EPHA5: variants seen among roughly 807,000 people sequenced by gnomAD.
EPHA5 encodes ephrin type-A receptor 5.
In EPHA5, 60 loss-of-function variants were observed where a neutral mutation model predicts 105.0. The ratio of observed to expected loss-of-function variants is 0.57; its 90% CI spans 0.46 to 0.71. The LOEUF (loss-of-function observed/expected upper bound fraction) is 0.71. Among genes scored for constraint, EPHA5 ranks in the 30% least tolerant of loss-of-function variants. The pLI is 0.00. For missense variants in EPHA5, 1,218 were observed against 1,274.7 expected (o/e 0.96, Z 0.68); for synonymous variants, 513 against 449.1 (o/e 1.14, Z -1.80).
rs1311481395 is a variant in EPHA5, at chr4:65,608,496, T to TC, written c.247-6193dup. 9.4e-5 allele frequency among the ~76,000 whole-genome samples: 14 copies of TC among 148,352 alleles called. 1 individual carries two copies. In the South Asian group the frequency reaches 1.3e-3, roughly 14 times the overall value. On this transcript the variant is annotated intron_variant, in intron 2 of 16. Coordinates refer to ENST00000613740, the MANE Select transcript of EPHA5 (RefSeq NM_001281766.3). Reference sequence around the variant, plus strand: ...CCCAGCTTGGGCGACAGAGCGAGACTCCATCTCAAAAAAAAAAAGAAAAAA... The same window carrying TC: ...CCCAGCTTGGGCGACAGAGCGAGACTCCCATCTCAAAAAAAAAAAGAAAAAA...
chr4:65,517,246 G>A (rs1734195896), intron 3 of EPHA5, among the ~76,000 whole-genome samples: 1 of 151,654 alleles, frequency 6.6e-6, no homozygotes, highest in Non-Finnish European at 1.5e-5. Context: ...TCCTTGTTCT[G>A]TAATCTATCT....
intron 3 of EPHA5, among the ~76,000 whole-genome samples, chr4:65,583,155 A>G (rs1033803321): frequency 1.3e-5 from 2 of 151,666 alleles, no homozygotes; most frequent in African/African-American, 4.8e-5. Context: ...GACAAAATAT[A>G]TAAAATTCCT....
In EPHA5 at chr4:65,670,376, T is replaced by G. The variant is rs1230349859; in HGVS notation, c.-634A>C. 5 of 233,722 alleles carry G rather than the reference T, an allele frequency of 2.1e-5. No individual in the cohort carries two copies. Among genetic ancestry groups the G allele is most frequent in the Non-Finnish European group, 4.2e-5 (5 of 118,566 alleles). The allele number at this position is 233,722 out of a possible 1,614,324, so 14.5% of individuals were successfully genotyped here. A position where few individuals can be genotyped will look rare whatever the true frequency, so the allele number is the denominator to read the frequency against. On this transcript the variant is annotated 5_prime_UTR_variant, in exon 1 of 17. Coordinates refer to ENST00000613740, the MANE Select transcript of EPHA5 (RefSeq NM_001281766.3). ...CTGCCGGCCGGTAGGAGCGCGGAGC[T>G]GCGCTGCGGCGGCCCAGGAGCTGCT...
intron 5 of EPHA5, among the ~76,000 whole-genome samples, chr4:65,431,570 TG>T (rs1724980643): frequency 6.6e-6 from 1 of 152,158 alleles, no homozygotes; most frequent in South Asian, 2.1e-4. Flanking sequence ...AAAGTGCTAC[TG>T]GCAATTCTCC....
intron 1 of EPHA5, among the ~76,000 whole-genome samples, chr4:65,664,844 G>A (rs1429920600): frequency 1.3e-5 from 2 of 151,736 alleles, no homozygotes; most frequent in East Asian, 1.9e-4. Context: ...CAAATACTAC[G>A]ATCAATTTTT....
chr4:65,652,926 G>A (rs1334679780), intron 1 of EPHA5, among the ~76,000 whole-genome samples: 2 of 151,830 alleles, frequency 1.3e-5, no homozygotes, highest in Non-Finnish European at 2.9e-5. Context: ...TACTCACTTT[G>A]CTTTAAGCAT....
At chr4:65,438,829 A>G (rs1297414182) in intron 5 of EPHA5, among the ~76,000 whole-genome samples, 1 of 152,130 alleles carries the variant, frequency 6.6e-6, no homozygotes, top group Non-Finnish European at 1.5e-5. Flanking sequence ...AGGACATTAA[A>G]GGTTTTAAGT....
Position 65,506,876 on chromosome 4 carries a change from T to A in EPHA5, c.911-11333A>T, listed in dbSNP as rs1462784596. Among the ~76,000 whole-genome samples the A allele has an allele frequency of 3.9e-5, 6 of 152,318 alleles. No homozygotes were observed. In the South Asian group the frequency reaches 8.3e-4, roughly 21 times the overall value. On this transcript the variant is annotated intron_variant, in intron 3 of 16. Coordinates refer to ENST00000613740, the MANE Select transcript of EPHA5 (RefSeq NM_001281766.3). ...CTCTTTAGTTTAATTAGATCCCATT[T>A]GTCAATTTTGGCTTTTGTTGCCATT...
At chr4:65,480,425 A>G (rs1223039564) in intron 5 of EPHA5, among the ~76,000 whole-genome samples, 1 of 152,200 alleles carries the variant, frequency 6.6e-6, no homozygotes, top group Admixed American at 6.5e-5. Context: ...ATATGGCTTC[A>G]GATATACCAA....
In EPHA5 at chr4:65,669,822, C is replaced by G; in HGVS notation, c.-80G>C. The stretch of plus-strand genomic sequence containing the variant: ...GGCCTCGCAGAGCGGCGAAGGGAGA[C>G]TCGGGAGTCCTCCTTGTCCCCCCTT... On this transcript the variant is annotated 5_prime_UTR_variant, in exon 1 of 17. Transcript: ENST00000613740. 8.1e-7 allele frequency: 1 copy of G among 1,233,350 alleles called. No homozygotes were observed. Among genetic ancestry groups the G allele is most frequent in the Non-Finnish European group, 1.0e-6 (1 of 988,914 alleles). 76.4% of individuals were successfully genotyped at this position (1,233,350 alleles called of 1,614,324 possible).
At chr4:65,635,110 A>C (rs949004202) in intron 2 of EPHA5, among the ~76,000 whole-genome samples, 3 of 151,868 alleles carry the variant, frequency 2.0e-5, no homozygotes, top group African/African-American at 7.3e-5. Flanking sequence ...TTGAGTAAAA[A>C]CCTGAGTTAT....
chr4:65,413,519 C>T (rs903919608), intron 7 of EPHA5, among the ~76,000 whole-genome samples: 8 of 151,908 alleles, frequency 5.3e-5, no homozygotes, highest in African/African-American at 1.7e-4. Context: ...AGGAAGCATG[C>T]ATTTTATTTT....
intron 16 of EPHA5, among the ~76,000 whole-genome samples, chr4:65,330,279 G>C (rs537404271): frequency 6.6e-6 from 1 of 151,414 alleles, no homozygotes; most frequent in Non-Finnish European, 1.5e-5. Context: ...GAGGTTATTA[G>C]GGCTTGAAAG....
chr4:65,617,199 T>C (rs150174825), intron 2 of EPHA5, among the ~76,000 whole-genome samples: 4 of 152,174 alleles, frequency 2.6e-5, no homozygotes, highest in Admixed American at 2.6e-4. Flanking sequence ...TATCATATTA[T>C]CTTAAATCCT....
At position 65,431,176 on chromosome 4, in the gene EPHA5, T is replaced by A. The variant is rs367961955; in HGVS notation, c.1403-10611A>T. Among the ~76,000 whole-genome samples, 3 of 152,172 alleles carry A rather than the reference T, an allele frequency of 2.0e-5. No homozygotes were observed. The East Asian group carries it at 5.8e-4, about 29-fold the overall frequency. On this transcript the variant is annotated intron_variant, in intron 5 of 16. Transcript: ENST00000613740. The stretch of plus-strand genomic sequence containing the variant: ...ACACACAAAATGACTGCTCTCCGCA[T>A]GCTGCACCATAGATAAGATGAACTG...
intron 10 of EPHA5, among the ~76,000 whole-genome samples, chr4:65,365,685 A>ATG (rs1717828406): frequency 8.9e-6 from 1 of 112,452 alleles, no homozygotes; most frequent in Non-Finnish European, 2.0e-5. Flanking sequence ...ATATATATAT[A>ATG]TATAGTGAAA....
intron 3 of EPHA5, among the ~76,000 whole-genome samples, chr4:65,535,833 G>C (rs1296796533): frequency 6.6e-6 from 1 of 151,850 alleles, no homozygotes; most frequent in Non-Finnish European, 1.5e-5. Flanking sequence ...ACTTTTGCAA[G>C]GGATCTCACA....
At chr4:65,628,068 T>C (rs1272929233) in intron 2 of EPHA5, among the ~76,000 whole-genome samples, 2 of 152,104 alleles carry the variant, frequency 1.3e-5, no homozygotes, top group Non-Finnish European at 2.9e-5. Flanking sequence ...TATGATGTGG[T>C]TTTCATAATT....
intron 8 of EPHA5, among the ~76,000 whole-genome samples, chr4:65,372,909 T>C (rs909703342): frequency 1.3e-5 from 2 of 151,900 alleles, no homozygotes; most frequent in East Asian, 3.9e-4. Context: ...AGAATAGCTA[T>C]AATAGGAAAA....
Sources: allele counts gnomAD v4.1 joint callset (sites outside exome capture counted in the v4.1 genomes callset), GRCh38; gene constraint gnomAD v4.1.1; transcripts MANE v1.5; gene names NCBI Gene and HGNC (gene_info 2026-07-23, HGNC 2026-07-21).